Variants in NARF observed in about 807,000 individuals in gnomAD.
The protein encoded by NARF is iron-only hydrogenase-like protein 2.
NARF carries 41 observed loss-of-function variants against 48.0 expected under a neutral mutation model. The ratio of observed to expected loss-of-function variants is 0.85; its 90% confidence interval spans 0.66 to 1.11. NARF has a LOEUF of 1.11. Among genes scored for constraint, NARF ranks in the 50% least tolerant of loss-of-function variants. NARF has a pLI of 0.00. For missense variants in NARF, 613 were observed against 590.2 expected (o/e 1.04, Z -0.40); for synonymous variants, 215 against 225.5 (o/e 0.95, Z 0.42).
rs2043891029 is a variant in NARF at position 82,478,709 on chromosome 17, GGC to G, written c.521-90_521-89del. ...AGGTGTTCTGGCTTCACCCTGGGGC[GGC>G]AGGGACTCGAGCTCAGCATTCCCTG... On this transcript the variant is annotated intron_variant, in intron 5 of 10. Transcript: ENST00000309794. 5 of 1,277,430 alleles carry G rather than the reference GGC, an allele frequency of 3.9e-6. No homozygotes were observed. The East Asian group carries it at 9.3e-5, about 24-fold the overall frequency. The allele number at this position is 1,277,430 out of a possible 1,614,324, so 79.1% of individuals were successfully genotyped here. A position where few individuals can be genotyped will look rare whatever the true frequency, so the allele number is the denominator to read the frequency against.
At chr17:82,470,092 A>G (rs1187551790) in intron 4 of NARF, among the ~76,000 whole-genome samples, 1 of 152,166 alleles carries the variant, frequency 6.6e-6, no homozygotes, top group Admixed American at 6.5e-5. Flanking sequence ...AAATGTAGAT[A>G]TATTGGGGAT....
rs1289357455 is a variant in NARF, at chr17:82,478,817, G to T, written c.538G>T (p.Glu180Ter). The change falls in exon 6 of 11, where the codon GAG becomes TAG. Residue 180 changes from glutamate (E) to a stop codon, truncating the protein, a stop_gained. Transcript: ENST00000309794. LOFTEE classifies it high-confidence loss of function. Reference protein sequence around the residue: ...SACPGWVRYAERVLGRPITAH... With the variant: ...SACPGWVRYA Reference sequence around the variant, plus strand: ...CTCCCCAGGCTGGGTCCGATACGCCGAGCGGGTGCTGGGTCGCCCCATCAC... The same window carrying T: ...CTCCCCAGGCTGGGTCCGATACGCCTAGCGGGTGCTGGGTCGCCCCATCAC... 3.1e-6 allele frequency: 5 copies of T among 1,613,804 alleles called. No individual in the cohort carries two copies. Among genetic ancestry groups the T allele is most frequent in the South Asian group, 1.1e-5 (1 of 91,050 alleles).
chr17:82,481,844 T>C (rs532405870), intron 7 of NARF: 4 of 384,382 alleles, frequency 1.0e-5, no homozygotes, highest in African/African-American at 6.6e-5. Context: ...GGGAAAGTTG[T>C]CTATAGCCAT....
In NARF at chr17:82,489,687, C is replaced by T. The variant is rs1318859702; in HGVS notation, c.*1530C>T. ...GAGCCCCCTCCATTCTGGCACTGCA[C>T]TGTGGGCATGAGCTTGCCTTAAAAA... On this transcript the variant is annotated 3_prime_UTR_variant, in exon 11 of 11. Transcript: ENST00000309794. 6.6e-6 allele frequency: 1 copy of T among 152,346 alleles called. No homozygotes were observed. The highest frequency in any genetic ancestry group is 1.5e-5 in the Non-Finnish European group (1 of 68,150). The allele number at this position is 152,346 out of a possible 1,614,324, so 9.4% of individuals were successfully genotyped here.
rs2044142599 is a variant in NARF at position 82,488,235 on chromosome 17, G to A, written c.*78G>A. On this transcript the variant is annotated 3_prime_UTR_variant, in exon 11 of 11. Coordinates refer to ENST00000309794, the MANE Select transcript of NARF (RefSeq NM_012336.4). ...AGTAGAGGGAGGGGCTGCCCTGAGT[G>A]GAGTATTAAAGACACTTAAGAAAAC... is the stretch of plus-strand genomic sequence containing the variant. 1 of 1,551,778 alleles carries A rather than the reference G, an allele frequency of 6.4e-7. No individual in the cohort carries two copies. The highest frequency in any genetic ancestry group is 8.7e-7 in the Non-Finnish European group (1 of 1,150,756).
chr17:82,468,705 G>A (rs1021430004), intron 3 of NARF, 59 bp from the exon 4 acceptor site: 11 of 1,563,122 alleles, frequency 7.0e-6, no homozygotes, highest in Non-Finnish European at 8.8e-6. Context: ...ATTAAGGTGT[G>A]TAACTTTTAC....
chr17:82,488,376 T>C lies in NARF; in HGVS notation c.*219T>C. 1 of 652,392 alleles carries C rather than the reference T, an allele frequency of 1.5e-6. No homozygotes were observed. The highest frequency in any genetic ancestry group is 2.4e-6 in the Non-Finnish European group (1 of 420,428). The allele number at this position is 652,392 out of a possible 1,614,324, so 40.4% of individuals were successfully genotyped here. ...AATAGGTGTGGGATTGGAACTTTTTTTTTCTTTTTTTTTTTTTGAGACGGA... is the reference window on the plus strand; with the variant it reads ...AATAGGTGTGGGATTGGAACTTTTTCTTTCTTTTTTTTTTTTTGAGACGGA... On this transcript the variant is annotated 3_prime_UTR_variant, in exon 11 of 11. Coordinates refer to ENST00000309794, the MANE Select transcript of NARF (RefSeq NM_012336.4).
At chr17:82,475,683 A>G (rs1414517112) in intron 5 of NARF, among the ~76,000 whole-genome samples, 1 of 152,216 alleles carries the variant, frequency 6.6e-6, no homozygotes, top group Non-Finnish European at 1.5e-5. Context: ...GGAGAAGAGA[A>G]AGGATTTGGT....
intron 3 of NARF, among the ~76,000 whole-genome samples, chr17:82,468,307 GTT>G (rs1031079085): frequency 4.6e-4 from 60 of 131,576 alleles, no homozygotes; most frequent in Admixed American, 4.6e-4. Flanking sequence ...GTGAAACTCT[GTT>G]TTTTTTTTTT....
chr17:82,483,623 AC>A, intron 7 of NARF, 92 bp from the exon 8 acceptor site: 2 of 1,182,454 alleles, frequency 1.7e-6, no homozygotes, highest in Non-Finnish European at 2.5e-6. Context: ...GAGGGAGGTC[AC>A]CCAGGGTCAC....
chr17:82,485,249 A>G (rs184254345), intron 9 of NARF, among the ~76,000 whole-genome samples: 33 of 152,148 alleles, frequency 2.2e-4, no homozygotes, highest in Admixed American at 1.6e-3. Context: ...GTGAAACCCT[A>G]TCTCTACTAA....
chr17:82,480,951 A>ATT, intron 6 of NARF, 131 bp from the exon 7 acceptor site: 14 of 755,442 alleles, frequency 1.9e-5, no homozygotes, highest in Non-Finnish European at 2.8e-5. Flanking sequence ...AAAAAAAAAG[A>ATT]GTGCAGCATG....
Position 82,469,817 on chromosome 17 carries a change from G to A in NARF, c.385+921G>A, listed in dbSNP as rs574221831. ...GATGATGTTTCACCATGTTGGCCAG[G>A]ATGGTCTTAATCTCTTGACCTCGTG... On this transcript the variant is annotated intron_variant, in intron 4 of 10. Coordinates refer to ENST00000309794, the MANE Select transcript of NARF (RefSeq NM_012336.4). Among the ~76,000 whole-genome samples the A allele has an allele frequency of 3.9e-5, 6 of 152,258 alleles. No individual in the cohort carries two copies. In the South Asian group the frequency reaches 1.2e-3, roughly 32 times the overall value.
rs1448827392 is a variant in NARF at position 82,481,129 on chromosome 17, T to G, written c.687T>G (p.Tyr229Ter). Residue 229 changes from tyrosine to a stop codon, truncating the protein, a stop_gained, in exon 7 of 11, where the codon TAT becomes TAG. Coordinates refer to ENST00000309794, the MANE Select transcript of NARF (RefSeq NM_012336.4). LOFTEE classifies it high-confidence loss of function. The stretch of plus-strand genomic sequence containing the variant: ...TCCACGTCATTGTGGCCCCTTGTTA[T>G]GACAAGAAGCTGGAGGCTCTTCAGG... ...KIFHVIVAPC[Y>*]DKKLEALQES... is the part of the protein sequence containing the mutation. The G allele has an allele frequency of 6.8e-6, 11 of 1,614,040 alleles. No homozygotes were observed. The highest frequency in any genetic ancestry group is 9.3e-6 in the Non-Finnish European group (11 of 1,180,038).
intron 2 of NARF, 163 bp downstream of exon 2, chr17:82,460,235 T>TGGACGGATCACTTGAGG: frequency 1.9e-6 from 1 of 536,768 alleles, no homozygotes; most frequent in South Asian, 2.3e-5. Flanking sequence ...GAGGCCGAGG[T>TGGACGGATCACTTGAGG]GGACGGATCA....
chr17:82,472,799 C>A, intron 5 of NARF, 101 bp downstream of exon 5: 1 of 1,406,804 alleles, frequency 7.1e-7, no homozygotes, highest in Non-Finnish European at 9.4e-7. Flanking sequence ...AGACCCATCC[C>A]ACCCAGCCTT....
intron 2 of NARF, chr17:82,463,738 G>C (rs1015167279): frequency 6.5e-6 from 1 of 153,732 alleles, no homozygotes; most frequent in Non-Finnish European, 1.4e-5. Context: ...GGGTGGAGGG[G>C]ATCAAAGAGT....
At chr17:82,469,353 A>G (rs1191626352) in intron 4 of NARF, among the ~76,000 whole-genome samples, 2 of 152,344 alleles carry the variant, frequency 1.3e-5, no homozygotes, top group East Asian at 1.9e-4. Context: ...TACTTGAGGA[A>G]TGAAAGGTAG....
intron 6 of NARF, 48 bp from the exon 7 acceptor site, chr17:82,481,034 G>T: frequency 6.2e-7 from 1 of 1,611,626 alleles, no homozygotes. Context: ...AGCGTAAGCT[G>T]CCGTCACCTC....
Sources: allele counts gnomAD v4.1 joint callset (sites outside exome capture counted in the v4.1 genomes callset), GRCh38; gene constraint gnomAD v4.1.1; transcripts MANE v1.5; gene names NCBI Gene and HGNC (gene_info 2026-07-23, HGNC 2026-07-21).